BLNK: variants seen among roughly 807,000 people sequenced by gnomAD.
The protein encoded by BLNK is B cell linker, also known as B-cell linker protein.
A neutral mutation model predicts 73.5 loss-of-function variants in BLNK; 29 were observed. The observed-to-expected ratio is 0.39, with a 90% CI of 0.29 to 0.54. The LOEUF is 0.54. Ranked by LOEUF, BLNK falls within the 20% of genes least tolerant of loss-of-function variation. The probability of loss-of-function intolerance (pLI) is 0.61; values close to 1 mark genes in which losing one functional copy is unlikely to be tolerated. For missense variants in BLNK, 460 were observed against 562.8 expected, an observed-to-expected ratio of 0.82 and a Z score of 1.85; for synonymous variants, 176 against 200.8, an observed-to-expected ratio of 0.88 and a Z score of 1.04.
chr10:96,208,141 G>A (rs923675556), intron 9 of BLNK, among the ~76,000 whole-genome samples: 3 of 152,118 alleles, frequency 2.0e-5, no homozygotes, highest in African/African-American at 7.2e-5. Flanking sequence ...GCACCAGTCC[G>A]GCAGAACTGG....
chr10:96,207,669 T>G (rs1163100262), intron 10 of BLNK, among the ~76,000 whole-genome samples: 1 of 152,214 alleles, frequency 6.6e-6, no homozygotes. Context: ...CAAGTGAGGA[T>G]GAGCTCCTTC....
At chr10:96,197,543 A>G in intron 15 of BLNK, among the ~76,000 whole-genome samples, 1 of 152,228 alleles carries the variant, frequency 6.6e-6, no homozygotes, top group Non-Finnish European at 1.5e-5. Context: ...GGGACACATT[A>G]AGATCAAATC....
intron 1 of BLNK, among the ~76,000 whole-genome samples, chr10:96,270,601 T>G (rs143195548): frequency 4.8e-5 from 7 of 147,216 alleles, no homozygotes; most frequent in African/African-American, 1.9e-4. Context: ...ACCCCAGAAC[T>G]TAAAAGTATA....
rs375697043 is a variant in BLNK at position 96,200,189 on chromosome 10, G to T, written c.1012-31C>A. 73 of 1,590,176 alleles carry T rather than the reference G, an allele frequency of 4.6e-5. 1 individual carries two copies. The highest frequency in any genetic ancestry group is 5.5e-5 in the Non-Finnish European group (64 of 1,158,786). ...AAATGGAGGGCACTGGTCAGCATGG[G>T]ATGGTCCCTACTTAACTCTAATTTC... On this transcript the variant is annotated intron_variant, in intron 14 of 16. Coordinates refer to ENST00000224337, the MANE Select transcript of BLNK (RefSeq NM_013314.4). This position sits in a 1 kb window ranked among gnomAD's most constrained non-coding sequence, Gnocchi z 4.3.
chr10:96,253,583 T>A (rs1416272711), intron 1 of BLNK, among the ~76,000 whole-genome samples: 1 of 152,240 alleles, frequency 6.6e-6, no homozygotes, highest in African/African-American at 2.4e-5. Flanking sequence ...TGTATTTATT[T>A]ATTAGAAATT....
In BLNK at chr10:96,200,174, C is replaced by T; in HGVS notation, c.1012-16G>A. 3 of 1,611,362 alleles carry T rather than the reference C, an allele frequency of 1.9e-6. No individual in the cohort carries two copies. The highest frequency in any genetic ancestry group is 2.2e-5 in the South Asian group (2 of 90,868). On this transcript the variant is annotated splice_polypyrimidine_tract_variant and intron_variant, in intron 14 of 16. Coordinates refer to ENST00000224337, the MANE Select transcript of BLNK (RefSeq NM_013314.4). The surrounding 1 kb of genome is among the most constrained non-coding windows in gnomAD (Gnocchi z 4.3). ...CGCCAGCTTCCTGTGAAATGGAGGGCACTGGTCAGCATGGGATGGTCCCTA... is the reference window on the plus strand; with the variant it reads ...CGCCAGCTTCCTGTGAAATGGAGGGTACTGGTCAGCATGGGATGGTCCCTA...
At chr10:96,269,948 C>G (rs1037532800) in intron 1 of BLNK, among the ~76,000 whole-genome samples, 6 of 152,172 alleles carry the variant, frequency 3.9e-5, no homozygotes, top group Non-Finnish European at 8.8e-5. Context: ...ACCCACCTCT[C>G]AAAGCCTACC....
chr10:96,233,603 G>A (rs1464183664), intron 3 of BLNK, among the ~76,000 whole-genome samples: 5 of 152,160 alleles, frequency 3.3e-5, no homozygotes, highest in Admixed American at 2.6e-4. Context: ...CTCTGCTCGT[G>A]CCGTTCCTGC....
chr10:96,236,231 C>T (rs782205679), intron 3 of BLNK, among the ~76,000 whole-genome samples: 5 of 152,100 alleles, frequency 3.3e-5, no homozygotes, highest in Admixed American at 6.5e-5. Flanking sequence ...GCTACCCGGC[C>T]GCCAGACCCT....
chr10:96,214,320 A>G (rs587719105), intron 8 of BLNK, among the ~76,000 whole-genome samples: 185 of 152,234 alleles, frequency 1.2e-3, no homozygotes, highest in Non-Finnish European at 2.3e-3. Context: ...GCCAAAACCT[A>G]TAGGAGCAAC....
chr10:96,254,998 C>G (rs1007473179), intron 1 of BLNK, among the ~76,000 whole-genome samples: 1 of 152,186 alleles, frequency 6.6e-6, no homozygotes, highest in Non-Finnish European at 1.5e-5. Flanking sequence ...AAACCAGAGT[C>G]ATTGACTCTC....
At chr10:96,247,124 G>T in intron 1 of BLNK, 75 bp from the exon 2 acceptor site, 1 of 1,039,044 alleles carries the variant, frequency 9.6e-7, no homozygotes, top group Middle Eastern at 2.2e-4. Flanking sequence ...TACTCTTCTC[G>T]AATACAAAAA....
At chr10:96,262,160 C>G (rs1358831598) in intron 1 of BLNK, among the ~76,000 whole-genome samples, 2 of 152,204 alleles carry the variant, frequency 1.3e-5, no homozygotes, top group African/African-American at 2.4e-5. Flanking sequence ...TCTCTGCCCC[C>G]TTGGTCTGAG....
chr10:96,208,107 G>A (rs1301721946), intron 9 of BLNK, among the ~76,000 whole-genome samples: 1 of 152,146 alleles, frequency 6.6e-6, no homozygotes, highest in Non-Finnish European at 1.5e-5. Context: ...AGATGGGGAA[G>A]GGGTCAACTG....
chr10:96,243,829 T>G (rs1024907019), intron 2 of BLNK, among the ~76,000 whole-genome samples: 3 of 152,202 alleles, frequency 2.0e-5, no homozygotes, highest in Non-Finnish European at 4.4e-5. Context: ...TTATAGTCAA[T>G]TATTTTTAAT....
In BLNK at chr10:96,190,864, T is replaced by C. The variant is rs1310721616; in HGVS notation, c.*1109A>G. Reference sequence around the variant, plus strand: ...CCTTGGTGTTCACCAATGTCTGCTTTTCTGCTCTTGTTTTGTGGGATATTT... The same window carrying C: ...CCTTGGTGTTCACCAATGTCTGCTTCTCTGCTCTTGTTTTGTGGGATATTT... On this transcript the variant is annotated 3_prime_UTR_variant, in exon 17 of 17. Transcript: ENST00000224337. 6.6e-6 allele frequency among the ~76,000 whole-genome samples: 1 copy of C among 152,222 alleles called. No homozygotes were observed. Among genetic ancestry groups the C allele is most frequent in the Non-Finnish European group, 1.5e-5 (1 of 68,032 alleles).
intron 4 of BLNK, 35 bp from the exon 5 acceptor site, chr10:96,227,601 C>T (rs1554902856): frequency 6.2e-7 from 1 of 1,613,068 alleles, no homozygotes; most frequent in Non-Finnish European, 8.5e-7. Flanking sequence ...TGCTCAGCAT[C>T]CCCGTCTGTG....
intron 10 of BLNK, among the ~76,000 whole-genome samples, chr10:96,207,394 C>G (rs183230329): frequency 6.6e-4 from 100 of 152,336 alleles, no homozygotes; most frequent in African/African-American, 2.1e-3. Flanking sequence ...CATGACCCCC[C>G]CCTTCTGTGT....
chr10:96,250,070 G>A (rs908912552), intron 1 of BLNK, among the ~76,000 whole-genome samples: 2 of 152,114 alleles, frequency 1.3e-5, no homozygotes, highest in African/African-American at 2.4e-5. Flanking sequence ...TGTAATTTGG[G>A]TAACAAAGGA....
Sources: gnomAD v4.1 joint callset for allele counts (sites outside exome capture counted in the v4.1 genomes callset) on GRCh38, gnomAD v4.1.1 for gene constraint, Gnocchi (gnomAD v3.1) non-coding constraint, MANE v1.5 for transcripts, NCBI Gene and HGNC (gene_info 2026-07-23, HGNC 2026-07-21) for gene names.